NEB: variants seen among roughly 807,000 people sequenced by gnomAD.
The protein encoded by NEB is nemaline myopathy type 2.
Under a neutral mutation model 952.2 loss-of-function variants are expected in NEB, and 512 were observed. That is an observed-to-expected ratio of 0.54 (90% CI 0.50 to 0.58). The LOEUF (loss-of-function observed/expected upper bound fraction) is 0.58, where lower values mean the gene tolerates loss of function less well. Among genes scored for constraint, NEB ranks in the 20% least tolerant of loss-of-function variants. The pLI, the probability that NEB is intolerant of heterozygous loss-of-function variation, is 0.00. For synonymous variants in NEB, 2,900 were observed against 3,149.8 expected (o/e 0.92, Z 2.66); for missense variants, 8,428 against 9,231.1 (o/e 0.91, Z 3.56).
Position 151,498,241 on chromosome 2 carries a change from C to T in NEB, c.24207+19G>A, listed in dbSNP as rs1361820336. The stretch of plus-strand genomic sequence containing the variant: ...TTCTGAAGTTAAGTGGCATTTTTTC[C>T]CCTTTCTTTCCAAAATACCGAGCTA... On this transcript the variant is annotated intron_variant, in intron 170 of 181. Transcript: ENST00000397345. The T allele has an allele frequency of 2.6e-6, 4 of 1,550,182 alleles. No homozygotes were observed. In the Admixed American group the frequency reaches 7.9e-5, roughly 30 times the overall value.
chr2:151,561,531 C>T (rs2096051395), intron 121 of NEB, among the ~76,000 whole-genome samples: 1 of 150,064 alleles, frequency 6.7e-6, no homozygotes, highest in Admixed American at 6.6e-5. Flanking sequence ...ATTTTGTTGC[C>T]TTTTCCATGC....
At chr2:151,652,310 C>A (rs540894838) in intron 52 of NEB, among the ~76,000 whole-genome samples, 11 of 152,216 alleles carry the variant, frequency 7.2e-5, no homozygotes, top group Admixed American at 1.3e-4. Flanking sequence ...ACTAAAGCCT[C>A]AGCCTTCCAA....
chr2:151,624,772 T>A (rs879640983), intron 71 of NEB, among the ~76,000 whole-genome samples: 4 of 152,172 alleles, frequency 2.6e-5, no homozygotes, highest in Non-Finnish European at 5.9e-5. Flanking sequence ...AAAATTAGTA[T>A]CCTTCTTGAA....
intron 121 of NEB, 99 bp from the exon 122 acceptor site, chr2:151,561,411 T>C (rs2096035335): frequency 1.2e-6 from 1 of 816,520 alleles, no homozygotes; most frequent in Non-Finnish European, 2.0e-6. Flanking sequence ...ATTTCTGGAT[T>C]TCTGCTTTAA....
chr2:151,545,586 A>AG (rs2094574759), intron 135 of NEB, among the ~76,000 whole-genome samples: 1 of 152,136 alleles, frequency 6.6e-6, no homozygotes, highest in African/African-American at 2.4e-5. Flanking sequence ...AAAAAAAAAA[A>AG]GAAAAAGAAA....
chr2:151,503,627 T>C (rs554493195), intron 165 of NEB, among the ~76,000 whole-genome samples, 186 bp from the exon 166 acceptor site: 1 of 149,654 alleles, frequency 6.7e-6, no homozygotes, highest in Admixed American at 6.7e-5. Flanking sequence ...TAAAAATTTT[T>C]ACTACTTTGA....
chr2:151,659,753 T>C (rs2099125863), intron 46 of NEB, among the ~76,000 whole-genome samples: 1 of 152,200 alleles, frequency 6.6e-6, no homozygotes, highest in African/African-American at 2.4e-5. Context: ...AGACATATAG[T>C]CCTTTTTAAA....
chr2:151,707,286 CT>C (rs1255501592), intron 12 of NEB, among the ~76,000 whole-genome samples: 24 of 152,094 alleles, frequency 1.6e-4, no homozygotes, highest in Non-Finnish European at 3.1e-4. Flanking sequence ...GGTCCTTGCC[CT>C]CAAAGAGAGA....
chr2:151,504,582 T>A (rs2067291481), intron 165 of NEB, among the ~76,000 whole-genome samples: 1 of 152,168 alleles, frequency 6.6e-6, no homozygotes, highest in South Asian at 2.1e-4. Flanking sequence ...AAATATCAAG[T>A]ATCCTAAAGA....
intron 69 of NEB, 115 bp downstream of exon 69, chr2:151,627,408 G>T: frequency 6.8e-7 from 1 of 1,475,316 alleles, no homozygotes. Context: ...TAAAAAATGA[G>T]CAGAGAGAAG....
intron 58 of NEB, 68 bp downstream of exon 58, chr2:151,643,082 C>G: frequency 2.0e-6 from 3 of 1,474,250 alleles, no homozygotes. Context: ...TTCTTTTATA[C>G]AAACAGACTT....
chr2:151,634,722 G>T (rs778786801), intron 64 of NEB, among the ~76,000 whole-genome samples: 4 of 151,872 alleles, frequency 2.6e-5, no homozygotes, highest in Non-Finnish European at 5.9e-5. Flanking sequence ...CAACCGAGGA[G>T]AATTTATTAT....
rs2065382776 is a variant in NEB, at chr2:151,502,416, CATA to C, written c.23928+374_23928+376del. 3.3e-5 allele frequency among the ~76,000 whole-genome samples: 5 copies of C among 150,338 alleles called. No individual in the cohort carries two copies. In the East Asian group the frequency reaches 9.7e-4, roughly 29 times the overall value. The stretch of plus-strand genomic sequence containing the variant: ...AAAAAAAAAACTTAAAAGCTGCAAA[CATA>C]AAGAATACATTAAACAGCCACAATA... On this transcript the variant is annotated intron_variant, in intron 167 of 181. Coordinates refer to ENST00000397345, the MANE Select transcript of NEB (RefSeq NM_001164508.2).
Position 151,553,806 on chromosome 2 carries a change from ACTT to A in NEB, c.19626+19_19626+21del. Reference sequence around the variant, plus strand: ...CCGTGGGGCGGGGCCGTGGAGGGGTACTTCTTAAGTCACAGGCTTACATCGCTG... The same window carrying A: ...CCGTGGGGCGGGGCCGTGGAGGGGTACTTAAGTCACAGGCTTACATCGCTG... On this transcript the variant is annotated intron_variant, in intron 126 of 181. Transcript: ENST00000397345. 1 of 1,589,764 alleles carries A rather than the reference ACTT, an allele frequency of 6.3e-7. No homozygotes were observed. Among genetic ancestry groups the A allele is most frequent in the East Asian group, 2.2e-5 (1 of 44,572 alleles).
rs1473956099 is a variant in NEB, at chr2:151,702,796, A to C, written c.1152+4085T>G. Among the ~76,000 whole-genome samples the C allele has an allele frequency of 3.9e-5, 6 of 152,328 alleles. No individual in the cohort carries two copies. In the South Asian group the frequency reaches 1.0e-3, roughly 26 times the overall value. ...GAGTTGGGTTTCCTGAATACAGCACACTGATGGGTCTTGACTCTTTATCCA... is the reference window on the plus strand; with the variant it reads ...GAGTTGGGTTTCCTGAATACAGCACCCTGATGGGTCTTGACTCTTTATCCA... On this transcript the variant is annotated intron_variant, in intron 13 of 181. Coordinates refer to ENST00000397345, the MANE Select transcript of NEB (RefSeq NM_001164508.2).
chr2:151,698,858 T>A (rs2099621468), intron 13 of NEB, among the ~76,000 whole-genome samples: 1 of 151,688 alleles, frequency 6.6e-6, no homozygotes, highest in Non-Finnish European at 1.5e-5. Flanking sequence ...CAGGATGGTC[T>A]CCATCTCTTT....
chr2:151,713,343 T>C (rs150399444), intron 10 of NEB, among the ~76,000 whole-genome samples: 1 of 152,254 alleles, frequency 6.6e-6, no homozygotes, highest in South Asian at 2.1e-4. Flanking sequence ...GCAGAAAAGG[T>C]ATAAAGAACC....
In NEB at chr2:151,680,771, T is replaced by G. The variant is rs775535626; in HGVS notation, c.3001A>C (p.Ile1001Leu). The stretch of plus-strand genomic sequence containing the variant: ...TGGTTAATTTTAGACTGTACTGTAA[T>G]TGGAGCATCTTCAATCGAGGTAAAC... The part of the protein sequence containing the change: ...LKFTSIEDAP[I>L]TVQSKINQAQ... Residue 1001 changes from isoleucine to leucine, a missense_variant, in exon 30 of 182, where the codon ATT becomes CTT. Ile to Leu is a conservative substitution (Grantham distance 5). This residue lies in a region of NEB where 2,851 missense variants were observed against 2,791.5 expected (regional missense o/e 1.02). Transcript: ENST00000397345. 6.2e-7 allele frequency: 1 copy of G among 1,613,326 alleles called. No homozygotes were observed. The highest frequency in any genetic ancestry group is 8.5e-7 in the Non-Finnish European group (1 of 1,179,346).
At chr2:151,675,246 G>A (rs1198875048) in intron 35 of NEB, 41 bp downstream of exon 35, 1 of 1,352,962 alleles carries the variant, frequency 7.4e-7, no homozygotes, top group African/African-American at 1.4e-5. Flanking sequence ...TAATTTTATT[G>A]TCAGGTCCGA....
Sources: gnomAD v4.1 joint callset for allele counts (sites outside exome capture counted in the v4.1 genomes callset) on GRCh38, gnomAD v4.1.1 for gene constraint, gnomAD v4.1.1 regional missense constraint, MANE v1.5 for transcripts, NCBI Gene and HGNC (gene_info 2026-07-23, HGNC 2026-07-21) for gene names.